The following SH3PXD2A variants were observed in gnomAD, a reference collection of about 807,000 sequenced individuals.
SH3PXD2A encodes the protein SH3 and PX domains 2A, also known as SH3 and PX domain-containing protein 2A.
A neutral mutation model predicts 115.2 loss-of-function variants in SH3PXD2A; 32 were observed. That is an observed-to-expected ratio of 0.28 (90% CI 0.21 to 0.37). The LOEUF is 0.37. SH3PXD2A is among the 10% of genes least tolerant of loss of function. SH3PXD2A has a pLI of 1.00. For synonymous variants in SH3PXD2A, 610 were observed against 629.1 expected (o/e 0.97, Z 0.45); for missense variants, 1,328 against 1,498.7 (o/e 0.89, Z 1.88).
chr10:103,719,769 G>T (rs2038158367), intron 5 of SH3PXD2A, among the ~76,000 whole-genome samples: 1 of 141,676 alleles, frequency 7.1e-6, no homozygotes, highest in Non-Finnish European at 1.5e-5. Context: ...CACCCAGCTG[G>T]AGTGCAGTGG....
intron 13 of SH3PXD2A, among the ~76,000 whole-genome samples, chr10:103,606,790 C>T (rs1048811476): frequency 8.5e-5 from 13 of 152,230 alleles, no homozygotes; most frequent in African/African-American, 2.7e-4. Context: ...GTCTCGTTCA[C>T]TCAGTGCTCA....
At chr10:103,815,078 T>TAA (rs2039310817) in intron 1 of SH3PXD2A, among the ~76,000 whole-genome samples, 1 of 152,096 alleles carries the variant, frequency 6.6e-6, no homozygotes, top group African/African-American at 2.4e-5. Context: ...ATGAGAGACC[T>TAA]AAATGCGAGA....
At chr10:103,771,574 C>A (rs2038819846) in intron 2 of SH3PXD2A, among the ~76,000 whole-genome samples, 2 of 152,038 alleles carry the variant, frequency 1.3e-5, no homozygotes. Flanking sequence ...GAAACCCCAT[C>A]TCTACTAAAA....
intron 2 of SH3PXD2A, among the ~76,000 whole-genome samples, chr10:103,790,405 C>T (rs764330211): frequency 4.6e-5 from 7 of 152,114 alleles, no homozygotes; most frequent in African/African-American, 1.4e-4. Context: ...CCACCCGCCT[C>T]GGCCTCCCAA....
At chr10:103,640,693 C>T (rs1030790077) in intron 8 of SH3PXD2A, among the ~76,000 whole-genome samples, 10 of 152,200 alleles carry the variant, frequency 6.6e-5, no homozygotes, top group Non-Finnish European at 1.5e-4. Context: ...AGAAGGGCAG[C>T]CTCATGCTGG....
chr10:103,642,108 A>G (rs982052053), intron 8 of SH3PXD2A, among the ~76,000 whole-genome samples: 1 of 152,104 alleles, frequency 6.6e-6, no homozygotes, highest in Non-Finnish European at 1.5e-5. Context: ...TCACACCATC[A>G]TAAGTCTGGA....
intron 13 of SH3PXD2A, among the ~76,000 whole-genome samples, chr10:103,606,303 G>A (rs1017084475): frequency 6.7e-6 from 1 of 150,306 alleles, no homozygotes; most frequent in Non-Finnish European, 1.5e-5. Flanking sequence ...TCCATCTCCT[G>A]GGCTCAAGTG....
At chr10:103,741,082 G>T (rs987503702) in intron 3 of SH3PXD2A, among the ~76,000 whole-genome samples, 2 of 152,214 alleles carry the variant, frequency 1.3e-5, no homozygotes, top group Non-Finnish European at 2.9e-5. Flanking sequence ...GTGAAGAGGG[G>T]TGCCTAGAGA....
At chr10:103,753,019 T>C (rs893864191) in intron 3 of SH3PXD2A, among the ~76,000 whole-genome samples, 1 of 152,024 alleles carries the variant, frequency 6.6e-6, no homozygotes, top group Non-Finnish European at 1.5e-5. Flanking sequence ...CAACCTCTAA[T>C]ATGTATATAT....
intron 2 of SH3PXD2A, among the ~76,000 whole-genome samples, chr10:103,770,605 G>A (rs542953107): frequency 3.3e-5 from 5 of 152,348 alleles, no homozygotes; most frequent in Admixed American, 3.3e-4. Flanking sequence ...TGGAGTCTGA[G>A]CTCAGAGATT....
intron 5 of SH3PXD2A, among the ~76,000 whole-genome samples, chr10:103,695,716 C>T (rs1475963421): frequency 6.6e-6 from 1 of 152,166 alleles, no homozygotes; most frequent in Non-Finnish European, 1.5e-5. Context: ...TCTGAGGCTG[C>T]TCCAGTGTTG....
chr10:103,674,716 A>G (rs1312632430), intron 6 of SH3PXD2A, among the ~76,000 whole-genome samples: 1 of 152,118 alleles, frequency 6.6e-6, no homozygotes, highest in Non-Finnish European at 1.5e-5. Flanking sequence ...GCTACTCAGG[A>G]GGCTGAGGCA....
chr10:103,611,665 C>G (rs1162527224), intron 12 of SH3PXD2A, 35 bp from the exon 13 acceptor site: 1 of 1,580,768 alleles, frequency 6.3e-7, no homozygotes, highest in Non-Finnish European at 8.7e-7. Context: ...AAATCCTAGT[C>G]AGACGATGGG....
chr10:103,839,979 G>A (rs1286343306), intron 1 of SH3PXD2A, among the ~76,000 whole-genome samples: 10 of 152,248 alleles, frequency 6.6e-5, no homozygotes, highest in African/African-American at 1.2e-4. Flanking sequence ...GGCAGGCTCC[G>A]TAGGGCAAAG....
At chr10:103,743,942 G>A (rs1449861157) in intron 3 of SH3PXD2A, among the ~76,000 whole-genome samples, 1 of 152,224 alleles carries the variant, frequency 6.6e-6, no homozygotes, top group Non-Finnish European at 1.5e-5. Context: ...CTAGGGAAGA[G>A]AGCATAGAGC....
chr10:103,801,080 C>G (rs186549199), intron 2 of SH3PXD2A, among the ~76,000 whole-genome samples: 3 of 152,178 alleles, frequency 2.0e-5, no homozygotes, highest in Non-Finnish European at 4.4e-5. Context: ...AGGAGGCCAA[C>G]AAAGTCCTGA....
chr10:103,731,569 AT>A (rs1302335480), intron 4 of SH3PXD2A, among the ~76,000 whole-genome samples: 2 of 152,296 alleles, frequency 1.3e-5, no homozygotes, highest in South Asian at 2.1e-4. Context: ...AGGTTCTACT[AT>A]CTGGGTTCCC....
At chr10:103,807,890 G>A (rs1231555000) in intron 1 of SH3PXD2A, among the ~76,000 whole-genome samples, 3 of 152,186 alleles carry the variant, frequency 2.0e-5, no homozygotes, top group Admixed American at 6.5e-5. Flanking sequence ...GGGAGTTCAC[G>A]TGTGGGGACA....
intron 5 of SH3PXD2A, among the ~76,000 whole-genome samples, chr10:103,715,033 G>A (rs1226267121): frequency 6.6e-6 from 1 of 152,194 alleles, no homozygotes; most frequent in African/African-American, 2.4e-5. Flanking sequence ...AGAGGGATGC[G>A]GTGAGATGCT....
Sources: gnomAD v4.1 joint callset for allele counts (sites outside exome capture counted in the v4.1 genomes callset) on GRCh38, gnomAD v4.1.1 for gene constraint, MANE v1.5 for transcripts, NCBI Gene and HGNC (gene_info 2026-07-23, HGNC 2026-07-21) for gene names.